MEGF11: variants seen among roughly 807,000 people sequenced by gnomAD.
MEGF11 encodes multiple EGF like domains 11.
Under a neutral mutation model 146.6 loss-of-function variants are expected in MEGF11, and 126 were observed. That is an observed-to-expected ratio of 0.86 (90% CI 0.74 to 1.00). MEGF11 has a LOEUF of 1.00. Ranked by LOEUF, MEGF11 falls within the 50% of genes least tolerant of loss-of-function variation. MEGF11 has a pLI of 0.00. For missense variants in MEGF11, 1,509 were observed against 1,521.2 expected (o/e 0.99, Z 0.13); for synonymous variants, 532 against 583.4 (o/e 0.91, Z 1.27).
At chr15:66,082,444 AAAAAAAAAAAAAAAAAAAAAAAATCT>A (rs1322099064) in intron 5 of MEGF11, among the ~76,000 whole-genome samples, 237 of 109,484 alleles carry the variant, frequency 2.2e-3, no homozygotes, top group African/African-American at 8.7e-3. Context: ...AAAAAAAAAA[AAAAAAAAAAAAAAAAAAAAAAAATCT>A]ATCTATCTAT....
At chr15:66,246,074 C>T (rs907371214) in intron 1 of MEGF11, among the ~76,000 whole-genome samples, 22 of 151,562 alleles carry the variant, frequency 1.5e-4, no homozygotes, top group South Asian at 4.2e-4. Flanking sequence ...CAGGCCAACA[C>T]AGTGAGACCC....
chr15:66,208,021 G>C lies in MEGF11; in HGVS notation c.-9+45584C>G, dbSNP rs533606519. Among the ~76,000 whole-genome samples the C allele has an allele frequency of 2.0e-5, 3 of 151,808 alleles. No homozygotes were observed. The South Asian group carries it at 6.3e-4, about 32-fold the overall frequency. Reference sequence around the variant, plus strand: ...AATTGCTTGAACCTGGGAGGTGGAGGTTGCAGTGAGCTGAGATCACACCAT... The same window carrying C: ...AATTGCTTGAACCTGGGAGGTGGAGCTTGCAGTGAGCTGAGATCACACCAT... On this transcript the variant is annotated intron_variant, in intron 1 of 25. Transcript: ENST00000395614.
At chr15:65,935,468 TAGTG>T (rs2079747565) in intron 10 of MEGF11, among the ~76,000 whole-genome samples, 1 of 149,562 alleles carries the variant, frequency 6.7e-6, no homozygotes, top group Non-Finnish European at 1.5e-5. Flanking sequence ...TCCAGATAGA[TAGTG>T]TCAGAATTGA....
chr15:65,970,312 T>TC (rs1435989604), intron 8 of MEGF11, among the ~76,000 whole-genome samples: 1 of 152,000 alleles, frequency 6.6e-6, no homozygotes, highest in African/African-American at 2.4e-5. Flanking sequence ...CTCACCTCCT[T>TC]CCCCCAGGTG....
chr15:65,996,062 G>A (rs2082188136), intron 5 of MEGF11, among the ~76,000 whole-genome samples: 1 of 152,170 alleles, frequency 6.6e-6, no homozygotes, highest in African/African-American at 2.4e-5. Context: ...CCCCATCTGG[G>A]AGCTGTGGAC....
rs188502132 is a variant in MEGF11 at position 66,122,938 on chromosome 15, C to T, written c.200+961G>A. Among the ~76,000 whole-genome samples the T allele has an allele frequency of 2.5e-3, 376 of 152,236 alleles. 1 individual carries two copies. The highest frequency in any genetic ancestry group is 8.6e-3 in the African/African-American group (358 of 41,536). On this transcript the variant is annotated intron_variant, in intron 3 of 25. Transcript: ENST00000395614. ...AGCTGGGACTACAGGCGCCCACCAC[C>T]ACGCCCGGCTAATTTTTTGTATTTT...
intron 1 of MEGF11, among the ~76,000 whole-genome samples, chr15:66,193,668 A>G (rs1315733969): frequency 6.6e-6 from 1 of 152,124 alleles, no homozygotes; most frequent in Non-Finnish European, 1.5e-5. Flanking sequence ...AGGTTCAATT[A>G]CAGAACTTGA....
intron 5 of MEGF11, among the ~76,000 whole-genome samples, chr15:66,054,200 G>A (rs192698092): frequency 3.3e-5 from 5 of 152,260 alleles, no homozygotes; most frequent in Admixed American, 6.5e-5. Flanking sequence ...GCCTGGTTGC[G>A]TTGATGCAGC....
chr15:66,066,115 C>T (rs778055796), intron 5 of MEGF11, among the ~76,000 whole-genome samples: 11 of 152,192 alleles, frequency 7.2e-5, no homozygotes, highest in Non-Finnish European at 1.6e-4. Context: ...GGTTTGGCCT[C>T]CCTAAGAACT....
chr15:65,972,226 T>C (rs910956626), intron 7 of MEGF11, among the ~76,000 whole-genome samples: 3 of 151,548 alleles, frequency 2.0e-5, no homozygotes, highest in Non-Finnish European at 2.9e-5. Context: ...ACAGAGAAAA[T>C]AGAGGTGAGT....
At chr15:66,025,403 G>A (rs1024947562) in intron 5 of MEGF11, among the ~76,000 whole-genome samples, 2 of 152,172 alleles carry the variant, frequency 1.3e-5, no homozygotes. Context: ...GAGGAGGGAG[G>A]AGGGAGAGGG....
chr15:66,038,904 T>G (rs945661955), intron 5 of MEGF11, among the ~76,000 whole-genome samples: 2 of 152,154 alleles, frequency 1.3e-5, no homozygotes, highest in African/African-American at 4.8e-5. Flanking sequence ...GAAGGCTTAG[T>G]TTAACCCTTG....
intron 2 of MEGF11, among the ~76,000 whole-genome samples, chr15:66,127,140 C>T (rs991586643): frequency 3.9e-5 from 6 of 152,206 alleles, no homozygotes; most frequent in Admixed American, 1.3e-4. Flanking sequence ...GGCTCAGAGC[C>T]GTTCAGAGAC....
chr15:65,980,139 C>T (rs1045208272), intron 7 of MEGF11, among the ~76,000 whole-genome samples: 3 of 152,244 alleles, frequency 2.0e-5, no homozygotes, highest in African/African-American at 7.2e-5. Context: ...TCTGCCACCT[C>T]TGGCCCAGGG....
intron 6 of MEGF11, among the ~76,000 whole-genome samples, chr15:65,981,443 G>A (rs1350920723): frequency 6.6e-6 from 1 of 152,144 alleles, no homozygotes; most frequent in Non-Finnish European, 1.5e-5. Flanking sequence ...ATTTGCATGG[G>A]GTCTTGGTCT....
intron 9 of MEGF11, 137 bp downstream of exon 9, chr15:65,964,771 C>G: frequency 1.3e-6 from 1 of 777,294 alleles, no homozygotes; most frequent in Non-Finnish European, 2.0e-6. Flanking sequence ...TCTCAGGGCT[C>G]AGTGCTGAGG....
chr15:65,926,627 C>G (rs528225764), intron 13 of MEGF11, among the ~76,000 whole-genome samples: 8 of 152,310 alleles, frequency 5.3e-5, no homozygotes, highest in African/African-American at 1.9e-4. Context: ...GGAGGCCCAT[C>G]TCTGTCTCTC....
intron 5 of MEGF11, among the ~76,000 whole-genome samples, chr15:66,016,667 T>C (rs2082898726): frequency 6.6e-6 from 1 of 152,180 alleles, no homozygotes; most frequent in African/African-American, 2.4e-5. Context: ...CAAGTTTAAG[T>C]GAGTTATTAT....
chr15:65,905,513 A>G (rs2078600219), intron 24 of MEGF11: 1 of 152,170 alleles, frequency 6.6e-6, no homozygotes, highest in Non-Finnish European at 1.5e-5. Context: ...CTGACCTTTC[A>G]TCTTTGGCTT....
Sources: allele counts gnomAD v4.1 joint callset (sites outside exome capture counted in the v4.1 genomes callset), GRCh38; gene constraint gnomAD v4.1.1; transcripts MANE v1.5; gene names NCBI Gene and HGNC (gene_info 2026-07-23, HGNC 2026-07-21).